The following SLC35F3 variants were observed in gnomAD, a reference collection of about 807,000 sequenced individuals.
The protein encoded by SLC35F3 is putative thiamine transporter SLC35F3.
In SLC35F3, 25 loss-of-function variants were observed where a neutral mutation model predicts 49.9. The ratio of observed to expected loss-of-function variants is 0.50; its 90% CI spans 0.37 to 0.70. The LOEUF is 0.70. Among genes scored for constraint, SLC35F3 ranks in the 30% least tolerant of loss-of-function variants. SLC35F3 has a pLI of 0.00. For synonymous variants in SLC35F3, 275 were observed against 265.4 expected, an observed-to-expected ratio of 1.04 and a Z score of -0.35; for missense variants, 525 against 639.8, an observed-to-expected ratio of 0.82 and a Z score of 1.94.
Position 233,946,187 on chromosome 1 carries a change from C to T in SLC35F3, c.283+40429C>T, listed in dbSNP as rs577048430. 4.9e-4 allele frequency among the ~76,000 whole-genome samples: 75 copies of T among 152,316 alleles called. 1 individual carries two copies. In the East Asian group the frequency reaches 0.014, roughly 28 times the overall value. ...GCGGAAAAGAGTGCTGGAGCAGTCA[C>T]GGTGTACAACTGCTCAAGCTTTAGC... On this transcript the variant is annotated intron_variant, in intron 2 of 7. Coordinates refer to ENST00000366618, the MANE Select transcript of SLC35F3 (RefSeq NM_173508.4).
chr1:233,922,473 A>G (rs920240156), intron 2 of SLC35F3, among the ~76,000 whole-genome samples: 3 of 137,792 alleles, frequency 2.2e-5, no homozygotes, highest in African/African-American at 8.0e-5. Context: ...TCTTTTGCCC[A>G]CTTTTTGATG....
chr1:234,268,324 G>C (rs1430275399), intron 3 of SLC35F3, among the ~76,000 whole-genome samples: 3 of 140,028 alleles, frequency 2.1e-5, no homozygotes, highest in Admixed American at 7.2e-5. Context: ...GCGTGGCGGC[G>C]CGCGCCTGCA....
At chr1:234,262,444 G>T (rs1667919887) in intron 3 of SLC35F3, among the ~76,000 whole-genome samples, 1 of 152,210 alleles carries the variant, frequency 6.6e-6, no homozygotes, top group Non-Finnish European at 1.5e-5. Flanking sequence ...CCTGGCATGT[G>T]GTTGGCACTC....
chr1:234,200,057 AT>A (rs1457770151), intron 2 of SLC35F3, among the ~76,000 whole-genome samples: 2 of 152,222 alleles, frequency 1.3e-5, no homozygotes, highest in Non-Finnish European at 2.9e-5. Context: ...TAATATCACC[AT>A]TTCAGAAAAG....
At chr1:234,055,397 G>A (rs544188300) in intron 2 of SLC35F3, among the ~76,000 whole-genome samples, 110 of 152,276 alleles carry the variant, frequency 7.2e-4, no homozygotes, top group African/African-American at 2.4e-3. Context: ...CTTGCAGTTC[G>A]ATTTCAGACT....
chr1:234,055,140 A>G (rs1297151213), intron 2 of SLC35F3, among the ~76,000 whole-genome samples: 1 of 152,132 alleles, frequency 6.6e-6, no homozygotes, highest in Non-Finnish European at 1.5e-5. Flanking sequence ...CTCAAACTCC[A>G]TGCTGGGAGA....
At chr1:234,157,889 CT>C (rs747534993) in intron 2 of SLC35F3, among the ~76,000 whole-genome samples, 6 of 152,056 alleles carry the variant, frequency 3.9e-5, no homozygotes, top group African/African-American at 1.4e-4. Flanking sequence ...TGTTGTTTGA[CT>C]TTTTTTTCTT....
chr1:234,178,461 G>GAAA (rs35770557), intron 2 of SLC35F3, among the ~76,000 whole-genome samples: 24 of 141,022 alleles, frequency 1.7e-4, no homozygotes, highest in African/African-American at 5.2e-4. Flanking sequence ...CTCTCCTAAG[G>GAAA]AAAAAAAAAA....
chr1:234,293,263 G>T (rs1668537003), intron 3 of SLC35F3, among the ~76,000 whole-genome samples: 2 of 152,254 alleles, frequency 1.3e-5, no homozygotes, highest in South Asian at 2.1e-4. Context: ...AACTAGGAAG[G>T]CCTGTCGGGA....
At chr1:234,154,296 C>G (rs141680694) in intron 2 of SLC35F3, among the ~76,000 whole-genome samples, 1 of 152,116 alleles carries the variant, frequency 6.6e-6, no homozygotes, top group South Asian at 2.1e-4. Context: ...AGGAAAGGAG[C>G]TCAGATGTAA....
intron 2 of SLC35F3, among the ~76,000 whole-genome samples, chr1:234,106,821 G>C (rs1211124045): frequency 6.6e-6 from 1 of 152,140 alleles, no homozygotes; most frequent in Non-Finnish European, 1.5e-5. Context: ...GGTTCCATGA[G>C]GGGGAACTTT....
At chr1:234,318,726 C>T (rs762154071) in intron 5 of SLC35F3, 25 bp from the exon 6 acceptor site, 28 of 1,605,836 alleles carry the variant, frequency 1.7e-5, no homozygotes, top group Non-Finnish European at 2.3e-5. Context: ...GCCTTCACCC[C>T]GTCCTCCTCT....
At chr1:234,310,363 T>C (rs922778784) in intron 4 of SLC35F3, among the ~76,000 whole-genome samples, 1 of 152,166 alleles carries the variant, frequency 6.6e-6, no homozygotes, top group African/African-American at 2.4e-5. Flanking sequence ...ATCACCCTAA[T>C]GGTGCATTCA....
chr1:233,938,958 T>C (rs974042534), intron 2 of SLC35F3, among the ~76,000 whole-genome samples: 3 of 152,210 alleles, frequency 2.0e-5, no homozygotes, highest in East Asian at 1.9e-4. Flanking sequence ...ATTAGTAGAT[T>C]ACTGGGTCCC....
rs1321387416 is a variant in SLC35F3 at position 234,309,243 on chromosome 1, G to A, written c.751G>A (p.Val251Met). ...IKKINTTDVSVLFCCNKAFVF... is the reference protein window; with the variant it reads ...IKKINTTDVSMLFCCNKAFVF... Reference sequence around the variant, plus strand: ...GAAAATAAACACTACGGATGTCTCCGTGTTGTTCTGCTGCAACAAAGCTTT... The same window carrying A: ...GAAAATAAACACTACGGATGTCTCCATGTTGTTCTGCTGCAACAAAGCTTT... The change falls in exon 4 of 8, where the codon GTG (valine) becomes ATG (methionine). Residue 251 changes from valine to methionine, a missense_variant. Around this residue, in one of 4 missense-constraint regions of SLC35F3, gnomAD observed 216 missense variants for 298.1 expected, o/e 0.72. Transcript: ENST00000366618. 6.2e-7 allele frequency: 1 copy of A among 1,614,210 alleles called. No individual in the cohort carries two copies. The highest frequency in any genetic ancestry group is 2.2e-5 in the East Asian group (1 of 44,888).
At chr1:234,079,152 A>C (rs935055497) in intron 2 of SLC35F3, among the ~76,000 whole-genome samples, 13 of 152,252 alleles carry the variant, frequency 8.5e-5, no homozygotes, top group Non-Finnish European at 5.9e-5. Context: ...AGAATGACAT[A>C]GTTCAGAAAG....
chr1:234,070,604 C>T (rs553172270), intron 2 of SLC35F3, among the ~76,000 whole-genome samples: 3 of 152,128 alleles, frequency 2.0e-5, no homozygotes, highest in South Asian at 4.2e-4. Flanking sequence ...TGGGTGTGTC[C>T]GCAATTTGTT....
In SLC35F3 at chr1:234,125,172, C is replaced by T. The variant is rs141136202; in HGVS notation, c.284-106245C>T. ...GTCAAGTGATGAGACCAACACTGCT[C>T]AGTTTAGAGCCTCACACCTGAGCCA... On this transcript the variant is annotated intron_variant, in intron 2 of 7. Coordinates refer to ENST00000366618, the MANE Select transcript of SLC35F3 (RefSeq NM_173508.4). Among the ~76,000 whole-genome samples the T allele has an allele frequency of 7.2e-5, 11 of 152,222 alleles. No homozygotes were observed. The East Asian group carries it at 2.1e-3, about 29-fold the overall frequency.
intron 7 of SLC35F3, among the ~76,000 whole-genome samples, chr1:234,321,968 C>G (rs911702164): frequency 1.3e-5 from 2 of 151,956 alleles, no homozygotes; most frequent in African/African-American, 4.8e-5. Flanking sequence ...ATCGCTTGAG[C>G]CCAGGAGTTC....
Sources: gnomAD v4.1 joint callset for allele counts (sites outside exome capture counted in the v4.1 genomes callset) on GRCh38, gnomAD v4.1.1 for gene constraint, gnomAD v4.1.1 regional missense constraint, MANE v1.5 for transcripts, NCBI Gene and HGNC (gene_info 2026-07-23, HGNC 2026-07-21) for gene names.